Variants in KCNU1 observed in about 807,000 individuals in gnomAD.
KCNU1 encodes the protein potassium calcium-activated channel subfamily U member 1, also known as potassium channel subfamily U member 1.
In KCNU1, 93 loss-of-function variants were observed where a neutral mutation model predicts 126.8. The ratio of observed to expected loss-of-function variants is 0.73; its 90% CI spans 0.62 to 0.87. The LOEUF (loss-of-function observed/expected upper bound fraction) is 0.87, where lower values mean the gene tolerates loss of function less well. Ranked by LOEUF, KCNU1 falls within the 40% of genes least tolerant of loss-of-function variation. The probability of loss-of-function intolerance (pLI) is 0.00; values close to 1 mark genes in which losing one functional copy is unlikely to be tolerated. For missense variants in KCNU1, 1,330 were observed against 1,367.1 expected, an observed-to-expected ratio of 0.97 and a Z score of 0.43; for synonymous variants, 523 against 494.2, an observed-to-expected ratio of 1.06 and a Z score of -0.77.
In KCNU1 at chr8:36,820,614, GA is replaced by G. The variant is rs201090907; in HGVS notation, c.1106+2867del. Reference sequence around the variant, plus strand: ...TGCTAAGGTATTATAAGAAAATTCAGAAAAAAAAAAAAAGAAATTCTTTAGT... The same window carrying G: ...TGCTAAGGTATTATAAGAAAATTCAGAAAAAAAAAAAAGAAATTCTTTAGT... On this transcript the variant is annotated intron_variant, in intron 10 of 26. Transcript: ENST00000399881. 0.027 allele frequency among the ~76,000 whole-genome samples: 3,096 copies of G among 116,306 alleles called. 232 individuals carry two copies. The East Asian group carries it at 0.3, about 11-fold the overall frequency. The allele number at this position is 116,306 out of a possible 152,430, so 76.3% of individuals were successfully genotyped here. A position where few individuals can be genotyped will look rare whatever the true frequency, so the allele number is the denominator to read the frequency against.
chr8:36,894,920 AATTT>A (rs1293381501), intron 19 of KCNU1, among the ~76,000 whole-genome samples: 1 of 152,088 alleles, frequency 6.6e-6, no homozygotes. Flanking sequence ...ATAATATATT[AATTT>A]ATCATGAGTT....
At chr8:36,823,994 C>T (rs1804225671) in intron 10 of KCNU1, among the ~76,000 whole-genome samples, 1 of 152,026 alleles carries the variant, frequency 6.6e-6, no homozygotes, top group Admixed American at 6.6e-5. Context: ...TGCACCACCA[C>T]ACCCAACTAA....
intron 2 of KCNU1, among the ~76,000 whole-genome samples, chr8:36,798,559 C>T (rs918693533): frequency 6.6e-6 from 1 of 152,156 alleles, no homozygotes; most frequent in Admixed American, 6.5e-5. Flanking sequence ...GAATAGGAGA[C>T]ATTTGTCATC....
intron 23 of KCNU1, among the ~76,000 whole-genome samples, chr8:36,919,392 T>TAATC (rs1375375225): frequency 7.4e-6 from 1 of 135,186 alleles, no homozygotes. Flanking sequence ...CCCGTCACCT[T>TAATC]AATCCAAGCC....
chr8:36,811,813 A>G (rs145109102), intron 7 of KCNU1, among the ~76,000 whole-genome samples: 1 of 151,932 alleles, frequency 6.6e-6, no homozygotes, highest in Admixed American at 6.6e-5. Context: ...GTGCCTATAA[A>G]CCCAGCTACT....
intron 18 of KCNU1, among the ~76,000 whole-genome samples, chr8:36,851,582 T>C (rs894242479): frequency 6.6e-6 from 1 of 152,186 alleles, no homozygotes; most frequent in African/African-American, 2.4e-5. Flanking sequence ...AATTGATTAA[T>C]ACACGATGAA....
chr8:36,902,684 A>G (rs1807465760), intron 19 of KCNU1, among the ~76,000 whole-genome samples: 2 of 152,110 alleles, frequency 1.3e-5, no homozygotes, highest in African/African-American at 2.4e-5. Context: ...TCTACGGATG[A>G]ATTATATCAT....
chr8:36,887,259 C>T (rs1806742638), intron 19 of KCNU1, among the ~76,000 whole-genome samples: 1 of 152,062 alleles, frequency 6.6e-6, no homozygotes, highest in Non-Finnish European at 1.5e-5. Flanking sequence ...ATTTACATTC[C>T]CACCAACCGT....
intron 2 of KCNU1, among the ~76,000 whole-genome samples, chr8:36,802,442 C>T (rs1803345649): frequency 6.6e-6 from 1 of 152,172 alleles, no homozygotes; most frequent in Non-Finnish European, 1.5e-5. Context: ...TGCTTTGTGT[C>T]AGACGAGTTG....
chr8:36,806,362 T>A lies in KCNU1; in HGVS notation c.562T>A (p.Leu188Met). ...CCCACCAACCTTTATTTCTTATTAT[T>A]TGAAGAGCAATTGGCTAGGTAAGTG... ...TIPPTFISYY[L>M]KSNWLGLRFL... The change falls in exon 5 of 27, where the codon TTG (leucine) becomes ATG (methionine). Residue 188 changes from leucine to methionine, a missense_variant. By Grantham distance (15) the Leu-to-Met change is conservative. Coordinates refer to ENST00000399881, the MANE Select transcript of KCNU1 (RefSeq NM_001031836.3). 2 of 1,601,826 alleles carry A rather than the reference T, an allele frequency of 1.2e-6. No homozygotes were observed. Among genetic ancestry groups the A allele is most frequent in the Non-Finnish European group, 1.7e-6 (2 of 1,171,366 alleles).
rs144991434 is a variant in KCNU1 at position 36,876,162 on chromosome 8, T to C, written c.2009+11641T>C. 6.7e-3 allele frequency among the ~76,000 whole-genome samples: 1,015 copies of C among 152,168 alleles called. 11 individuals are homozygous for C. Among genetic ancestry groups the C allele is most frequent in the African/African-American group, 0.024 (983 of 41,500 alleles). On this transcript the variant is annotated intron_variant, in intron 19 of 26. Coordinates refer to ENST00000399881, the MANE Select transcript of KCNU1 (RefSeq NM_001031836.3). ...CCGAGGTCCCACTCAAACTAATCGA[T>C]TTCCATCATGCATCCCCTAGGCCGA... is the stretch of plus-strand genomic sequence containing the variant.
At chr8:36,907,914 C>A (rs756280786) in intron 20 of KCNU1, among the ~76,000 whole-genome samples, 1 of 152,128 alleles carries the variant, frequency 6.6e-6, no homozygotes, top group Admixed American at 6.5e-5. Context: ...AGTTATTGAA[C>A]AACTTTTAGT....
intron 19 of KCNU1, among the ~76,000 whole-genome samples, chr8:36,883,112 TG>T (rs1806549513): frequency 6.6e-6 from 1 of 152,180 alleles, no homozygotes; most frequent in Non-Finnish European, 1.5e-5. Context: ...TCTTGTCTCA[TG>T]AGAGGTTAAA....
chr8:36,936,032 T>C lies in KCNU1; in HGVS notation c.*112T>C, dbSNP rs1022190862. On this transcript the variant is annotated 3_prime_UTR_variant, in exon 27 of 27. Transcript: ENST00000399881. ...GGAAGCATGCCATTTTTCTGCCCAT[T>C]GCTTAGTGGTTCATGAAGGCCACAC... is the stretch of plus-strand genomic sequence containing the variant. The C allele has an allele frequency of 8.3e-6, 8 of 960,716 alleles. No homozygotes were observed. The highest frequency in any genetic ancestry group is 2.2e-4 in the Middle Eastern group (1 of 4,594). The allele number at this position is 960,716 out of a possible 1,614,324, so 59.5% of individuals were successfully genotyped here.
At chr8:36,805,907 G>T (rs773838676) in intron 4 of KCNU1, among the ~76,000 whole-genome samples, 1 of 152,112 alleles carries the variant, frequency 6.6e-6, no homozygotes, top group African/African-American at 2.4e-5. Flanking sequence ...ACAGTGAAGC[G>T]TTCTTGGCTC....
In KCNU1 at chr8:36,851,070, G is replaced by T. The variant is rs148313956; in HGVS notation, c.1891+5171G>T. ...ATTATTTTGTTTAATCTGGATTTCT[G>T]CATTTCCATGTGGGTCAGGATCAAT... is the stretch of plus-strand genomic sequence containing the variant. On this transcript the variant is annotated intron_variant, in intron 18 of 26. Coordinates refer to ENST00000399881, the MANE Select transcript of KCNU1 (RefSeq NM_001031836.3). Among the ~76,000 whole-genome samples, 670 of 152,206 alleles carry T rather than the reference G, an allele frequency of 4.4e-3. 7 individuals carry two copies. The highest frequency in any genetic ancestry group is 0.015 in the African/African-American group (631 of 41,518).
intron 1 of KCNU1, among the ~76,000 whole-genome samples, chr8:36,785,550 T>G (rs1375595488): frequency 6.6e-6 from 1 of 152,206 alleles, no homozygotes; most frequent in Non-Finnish European, 1.5e-5. Flanking sequence ...TATTTGAAAA[T>G]TATCCAATAC....
At chr8:36,840,618 A>G in intron 15 of KCNU1, 43 bp downstream of exon 15, 1 of 1,147,068 alleles carries the variant, frequency 8.7e-7, no homozygotes, top group East Asian at 2.4e-5. Context: ...AGACAACAGC[A>G]TTCTTTCAAC....
chr8:36,804,257 C>T lies in KCNU1; in HGVS notation c.377+169C>T, dbSNP rs906244949. ...TGGCTTCTCCCAGTAAGCACTAAGC[C>T]CAGCTCTGCAAAATATACAAGAGTT... On this transcript the variant is annotated intron_variant, in intron 3 of 26. Coordinates refer to ENST00000399881, the MANE Select transcript of KCNU1 (RefSeq NM_001031836.3). Among the ~76,000 whole-genome samples, 25 of 152,064 alleles carry T rather than the reference C, an allele frequency of 1.6e-4. 1 individual carries two copies. Among genetic ancestry groups the T allele is most frequent in the Admixed American group, 1.6e-3 (24 of 15,258 alleles).
Sources: gnomAD v4.1 joint callset for allele counts (sites outside exome capture counted in the v4.1 genomes callset) on GRCh38, gnomAD v4.1.1 for gene constraint, MANE v1.5 for transcripts, NCBI Gene and HGNC (gene_info 2026-07-23, HGNC 2026-07-21) for gene names.